ASTN1: variants seen among roughly 807,000 people sequenced by gnomAD.
ASTN1 encodes the protein astrotactin-1.
Under a neutral mutation model 140.7 loss-of-function variants are expected in ASTN1, and 41 were observed. The ratio of observed to expected loss-of-function variants is 0.29; its 90% CI spans 0.23 to 0.38. The LOEUF (loss-of-function observed/expected upper bound fraction) is 0.38. ASTN1 is among the 10% of genes least tolerant of loss of function. The pLI is 1.00. For synonymous variants in ASTN1, 640 were observed against 652.2 expected, an observed-to-expected ratio of 0.98 and a Z score of 0.29; for missense variants, 1,479 against 1,678.8, an observed-to-expected ratio of 0.88 and a Z score of 2.08.
intron 1 of ASTN1, among the ~76,000 whole-genome samples, chr1:177,100,290 C>T (rs577206531): frequency 6.6e-6 from 1 of 152,222 alleles, no homozygotes; most frequent in Admixed American, 6.5e-5. Context: ...TATTTTCCAT[C>T]TCTCTCTGCA....
At chr1:176,877,170 G>A (rs1668601324) in intron 20 of ASTN1, among the ~76,000 whole-genome samples, 1 of 152,186 alleles carries the variant, frequency 6.6e-6, no homozygotes, top group African/African-American at 2.4e-5. Flanking sequence ...ATGATAATAA[G>A]ACTACTTGTA....
chr1:176,981,101 A>G (rs2101880453), intron 8 of ASTN1, among the ~76,000 whole-genome samples: 1 of 150,940 alleles, frequency 6.6e-6, no homozygotes, highest in South Asian at 2.1e-4. Context: ...AATCCCAGCT[A>G]CTAGGGAGGC....
chr1:177,027,033 C>A (rs1337382997), intron 5 of ASTN1, among the ~76,000 whole-genome samples: 2 of 152,192 alleles, frequency 1.3e-5, no homozygotes, highest in Non-Finnish European at 2.9e-5. Context: ...CACAAACCTG[C>A]ACCCTAAGCT....
At chr1:176,956,665 G>T (rs188216192) in intron 11 of ASTN1, among the ~76,000 whole-genome samples, 53 of 152,260 alleles carry the variant, frequency 3.5e-4, no homozygotes, top group African/African-American at 1.2e-3. Flanking sequence ...TGCCTCCCCT[G>T]ACCCATTCCC....
At chr1:177,149,147 G>GTGTA (rs200637281) in intron 1 of ASTN1, among the ~76,000 whole-genome samples, 8 of 99,164 alleles carry the variant, frequency 8.1e-5, no homozygotes, top group African/African-American at 4.9e-4. Context: ...TATATATAGT[G>GTGTA]CATATATATA....
downstream of ASTN1, among the ~76,000 whole-genome samples, chr1:176,858,052 G>A (rs141080561): frequency 5.7e-4 from 87 of 152,208 alleles, 2 homozygotes; most frequent in East Asian, 0.015. Context: ...CACTGAGAAA[G>A]ATAGTAAGGA....
chr1:176,858,468 G>A (rs1667875068), downstream of ASTN1, among the ~76,000 whole-genome samples: 1 of 152,110 alleles, frequency 6.6e-6, no homozygotes. Flanking sequence ...TGTTCCCCAA[G>A]TTCTCACCCA....
intron 16 of ASTN1, among the ~76,000 whole-genome samples, chr1:176,913,827 T>C (rs1670361608): frequency 6.6e-6 from 1 of 152,224 alleles, no homozygotes; most frequent in African/African-American, 2.4e-5. Flanking sequence ...CTACATTCAG[T>C]AGTCACTATA....
rs1428739969 is a variant in ASTN1, at chr1:176,994,369, C to T, written c.1523+20422G>A. ...TCACTCTTGCTGACTTGGAATTATA[C>T]TTTTTTTTTTGAGCTGTTTCCCAGA... On this transcript the variant is annotated intron_variant, in intron 8 of 22. Coordinates refer to ENST00000361833, the MANE Select transcript of ASTN1 (RefSeq NM_004319.3). 7.3e-5 allele frequency among the ~76,000 whole-genome samples: 11 copies of T among 149,730 alleles called. No individual in the cohort carries two copies. In the Admixed American group the frequency reaches 7.4e-4, roughly 10 times the overall value.
chr1:176,951,476 C>T (rs1672188679), intron 11 of ASTN1, among the ~76,000 whole-genome samples: 1 of 152,224 alleles, frequency 6.6e-6, no homozygotes, highest in African/African-American at 2.4e-5. Context: ...TTGCTAGAAG[C>T]CATTAAGCAG....
intron 21 of ASTN1, among the ~76,000 whole-genome samples, chr1:176,871,304 C>T (rs1425840711): frequency 2.6e-5 from 4 of 151,924 alleles, no homozygotes; most frequent in Non-Finnish European, 5.9e-5. Context: ...GAAGAATGAC[C>T]GGGGGAGGAA....
chr1:176,969,406 C>T (rs1673035957), intron 8 of ASTN1, among the ~76,000 whole-genome samples: 1 of 152,172 alleles, frequency 6.6e-6, no homozygotes, highest in African/African-American at 2.4e-5. Flanking sequence ...GGGAGAACTG[C>T]CTGACATATT....
intron 2 of ASTN1, among the ~76,000 whole-genome samples, chr1:177,060,726 C>A (rs556668180): frequency 6.6e-6 from 1 of 152,234 alleles, no homozygotes; most frequent in African/African-American, 2.4e-5. Context: ...GTCTTGAACT[C>A]CTGGCCTCAA....
chr1:176,973,454 T>C (rs899391176), intron 8 of ASTN1, among the ~76,000 whole-genome samples: 3 of 152,192 alleles, frequency 2.0e-5, no homozygotes, highest in African/African-American at 7.2e-5. Context: ...TCAATGACCC[T>C]GTGGCTCCAT....
intron 16 of ASTN1, among the ~76,000 whole-genome samples, chr1:176,930,445 G>A (rs994093624): frequency 6.6e-6 from 1 of 152,308 alleles, no homozygotes; most frequent in East Asian, 1.9e-4. Flanking sequence ...CCAGCAGTAG[G>A]AGGGAGAGAC....
At chr1:176,892,565 G>A (rs1228155507) in intron 17 of ASTN1, among the ~76,000 whole-genome samples, 1 of 152,114 alleles carries the variant, frequency 6.6e-6, no homozygotes, top group Admixed American at 6.5e-5. Context: ...CAAATGTGTT[G>A]GGTTTGAGAT....
intron 11 of ASTN1, 89 bp downstream of exon 11, chr1:176,957,589 T>G: frequency 6.7e-7 from 1 of 1,482,082 alleles, no homozygotes; most frequent in Non-Finnish European, 9.1e-7. Flanking sequence ...TCACAGCACA[T>G]TTTTCCCTAT....
At chr1:177,003,663 T>G (rs1674847854) in intron 8 of ASTN1, among the ~76,000 whole-genome samples, 1 of 151,762 alleles carries the variant, frequency 6.6e-6, no homozygotes, top group African/African-American at 2.4e-5. Flanking sequence ...ATACAAAAAA[T>G]TAGCTGGGTA....
At chr1:176,878,394 T>C (rs370958949) in intron 20 of ASTN1, among the ~76,000 whole-genome samples, 1 of 151,762 alleles carries the variant, frequency 6.6e-6, no homozygotes, top group East Asian at 1.9e-4. Flanking sequence ...AAACTCAAGG[T>C]CTTCTCACCC....
Sources: gnomAD v4.1 joint callset for allele counts (sites outside exome capture counted in the v4.1 genomes callset) on GRCh38, gnomAD v4.1.1 for gene constraint, MANE v1.5 for transcripts, NCBI Gene and HGNC (gene_info 2026-07-23, HGNC 2026-07-21) for gene names.